AFF3: variants seen among roughly 807,000 people sequenced by gnomAD.
AFF3 encodes AF4/FMR2 family member 3.
AFF3 carries 32 observed loss-of-function variants against 129.7 expected under a neutral mutation model. The ratio of observed to expected loss-of-function variants is 0.25; its 90% CI spans 0.19 to 0.33. The LOEUF is 0.33. AFF3 is among the 10% of genes least tolerant of loss of function. AFF3 has a pLI of 1.00. For missense variants in AFF3, 1,373 were observed against 1,592.0 expected (o/e 0.86, Z 2.34); for synonymous variants, 644 against 635.4 (o/e 1.01, Z -0.20).
At chr2:100,055,361 A>G (rs1227748153) in intron 4 of AFF3, among the ~76,000 whole-genome samples, 1 of 151,962 alleles carries the variant, frequency 6.6e-6, no homozygotes, top group Admixed American at 6.6e-5. Flanking sequence ...CATAGGAAAC[A>G]GGAGATGGCA....
At chr2:99,599,585 C>A (rs959232014) in intron 14 of AFF3, among the ~76,000 whole-genome samples, 37 of 152,110 alleles carry the variant, frequency 2.4e-4, no homozygotes, top group Non-Finnish European at 1.6e-4. Flanking sequence ...GAGGTTCCAG[C>A]CAACACAGGA....
At chr2:99,655,184 T>C (rs1032497000) in intron 12 of AFF3, among the ~76,000 whole-genome samples, 1 of 151,028 alleles carries the variant, frequency 6.6e-6, no homozygotes, top group African/African-American at 2.4e-5. Context: ...TTGTGCTTAG[T>C]GTCTAGAGGT....
intron 10 of AFF3, among the ~76,000 whole-genome samples, chr2:99,738,904 A>C (rs1010660075): frequency 1.3e-5 from 2 of 151,000 alleles, no homozygotes; most frequent in Non-Finnish European, 2.9e-5. Context: ...GAAATAGTTG[A>C]CTCTTCTGCC....
chr2:99,648,934 C>CTCTCTCTCTCTCTCTGTT (rs138353584), intron 13 of AFF3, among the ~76,000 whole-genome samples: 1 of 119,314 alleles, frequency 8.4e-6, no homozygotes, highest in African/African-American at 3.0e-5. Context: ...CTCTCTCTCT[C>CTCTCTCTCTCTCTCTGTT]TCTCCAATCT....
chr2:99,830,042 T>C (rs1002894380), intron 8 of AFF3, among the ~76,000 whole-genome samples: 3 of 152,222 alleles, frequency 2.0e-5, no homozygotes, highest in African/African-American at 4.8e-5. Flanking sequence ...AAACACTGCA[T>C]GTTCTCACTT....
At chr2:100,129,971 T>C (rs1023955182) in intron 1 of AFF3, among the ~76,000 whole-genome samples, 1 of 152,168 alleles carries the variant, frequency 6.6e-6, no homozygotes, top group African/African-American at 2.4e-5. Context: ...CAATGAAGCC[T>C]TTACACGTGG....
At chr2:99,638,755 A>AC (rs33997441) in intron 13 of AFF3, among the ~76,000 whole-genome samples, 1 of 151,908 alleles carries the variant, frequency 6.6e-6, no homozygotes, top group Admixed American at 6.6e-5. Context: ...GTTTGCTCTT[A>AC]CCCCCCACCG....
chr2:99,783,178 T>C (rs1684529341), intron 8 of AFF3, among the ~76,000 whole-genome samples: 1 of 152,220 alleles, frequency 6.6e-6, no homozygotes, highest in Non-Finnish European at 1.5e-5. Flanking sequence ...GAAATGGTAA[T>C]AAAGCTTTTG....
At chr2:99,664,323 G>A (rs891198182) in intron 12 of AFF3, among the ~76,000 whole-genome samples, 2 of 152,186 alleles carry the variant, frequency 1.3e-5, no homozygotes, top group African/African-American at 4.8e-5. Context: ...AACTTTCTAA[G>A]GAAACCTGGT....
At chr2:99,858,135 T>C (rs1434278435) in intron 7 of AFF3, among the ~76,000 whole-genome samples, 1 of 152,204 alleles carries the variant, frequency 6.6e-6, no homozygotes, top group African/African-American at 2.4e-5. Context: ...AGGTAGCATA[T>C]GGTTGAAGGA....
At chr2:99,767,102 C>A (rs1160601143) in intron 8 of AFF3, among the ~76,000 whole-genome samples, 1 of 152,190 alleles carries the variant, frequency 6.6e-6, no homozygotes, top group Admixed American at 6.5e-5. Flanking sequence ...TATTAGTGCA[C>A]CTGTACACTC....
rs1685297043 is a variant in AFF3 at position 99,651,964 on chromosome 2, A to AC, written c.1144-2299_1144-2298insG. Among the ~76,000 whole-genome samples the AC allele has an allele frequency of 2.6e-5, 4 of 152,320 alleles. No individual in the cohort carries two copies. In the South Asian group the frequency reaches 8.3e-4, roughly 32 times the overall value. On this transcript the variant is annotated intron_variant, in intron 12 of 24. Coordinates refer to ENST00000672756, the MANE Select transcript of AFF3 (RefSeq NM_001386135.1). ...TCCCAGAAAAGCTCCTTCCTAAGGT[A>AC]GGAGCTGGATGACCTCGGTACACTT...
At chr2:99,576,301 G>C (rs929276299) in intron 18 of AFF3, among the ~76,000 whole-genome samples, 5 of 148,674 alleles carry the variant, frequency 3.4e-5, no homozygotes, top group African/African-American at 1.2e-4. Context: ...AAAGTGCTGG[G>C]ATTACAGGTG....
At chr2:99,638,407 T>C (rs1004439691) in intron 13 of AFF3, among the ~76,000 whole-genome samples, 1 of 152,004 alleles carries the variant, frequency 6.6e-6, no homozygotes, top group Non-Finnish European at 1.5e-5. Flanking sequence ...CCTTTGGCCC[T>C]TTCCTGTGTT....
intron 7 of AFF3, among the ~76,000 whole-genome samples, chr2:99,881,951 T>G (rs1180533381): frequency 6.6e-6 from 1 of 152,126 alleles, no homozygotes; most frequent in Non-Finnish European, 1.5e-5. Flanking sequence ...ACAACAGAAG[T>G]GACTGAACAG....
intron 8 of AFF3, among the ~76,000 whole-genome samples, chr2:99,812,473 C>T (rs1686867734): frequency 6.6e-6 from 1 of 152,144 alleles, no homozygotes; most frequent in African/African-American, 2.4e-5. Context: ...TAAGACTTTC[C>T]CCAGAATCCC....
chr2:99,630,050 T>C (rs1017698867), intron 13 of AFF3, among the ~76,000 whole-genome samples: 4 of 152,196 alleles, frequency 2.6e-5, no homozygotes, highest in South Asian at 2.1e-4. Context: ...GGGCTGCCTA[T>C]GGGGGCAAGT....
At chr2:100,087,014 T>C (rs1462855529) in intron 4 of AFF3, among the ~76,000 whole-genome samples, 1 of 152,214 alleles carries the variant, frequency 6.6e-6, no homozygotes, top group Non-Finnish European at 1.5e-5. Flanking sequence ...TTACACTTCA[T>C]CAGTGACCCC....
At chr2:99,834,281 T>C (rs376878948) in intron 8 of AFF3, among the ~76,000 whole-genome samples, 1 of 152,204 alleles carries the variant, frequency 6.6e-6, no homozygotes, top group African/African-American at 2.4e-5. Context: ...CTGTGTGACC[T>C]TGGGCAAGTT....
Sources: gnomAD v4.1 joint callset for allele counts (sites outside exome capture counted in the v4.1 genomes callset) on GRCh38, gnomAD v4.1.1 for gene constraint, MANE v1.5 for transcripts, NCBI Gene and HGNC (gene_info 2026-07-23, HGNC 2026-07-21) for gene names.